The following WASHC5 variants were observed in gnomAD, a reference collection of about 807,000 sequenced individuals.
WASHC5 encodes the protein WASH complex subunit 5.
WASHC5 carries 101 observed loss-of-function variants against 150.4 expected under a neutral mutation model. The observed-to-expected ratio is 0.67, with a 90% CI of 0.57 to 0.79. The LOEUF (loss-of-function observed/expected upper bound fraction) is 0.79. Among genes scored for constraint, WASHC5 ranks in the 30% least tolerant of loss-of-function variants. WASHC5 has a pLI of 0.00. For synonymous variants in WASHC5, 467 were observed against 491.2 expected (o/e 0.95, Z 0.65); for missense variants, 1,195 against 1,396.3 (o/e 0.86, Z 2.30).
intron 21 of WASHC5, 33 bp from the exon 22 acceptor site, chr8:125,044,127 A>G (rs1563614174): frequency 1.4e-6 from 2 of 1,396,442 alleles, no homozygotes; most frequent in Non-Finnish European, 2.0e-6. Flanking sequence ...AAAGAACCAA[A>G]CATAATGAAT....
intron 25 of WASHC5, 134 bp downstream of exon 25, chr8:125,038,696 C>A: frequency 9.8e-7 from 1 of 1,020,782 alleles, no homozygotes; most frequent in South Asian, 1.3e-5. Context: ...TTAGAAAGGG[C>A]AGGGAACTGA....
At chr8:125,056,458 T>C (rs563569289) in intron 16 of WASHC5, among the ~76,000 whole-genome samples, 4 of 152,324 alleles carry the variant, frequency 2.6e-5, no homozygotes, top group Non-Finnish European at 5.9e-5. Context: ...CCCCTGAGAA[T>C]ACTGAGGCGA....
chr8:125,091,055 C>T (rs897783638), intron 1 of WASHC5, among the ~76,000 whole-genome samples: 6 of 152,016 alleles, frequency 3.9e-5, no homozygotes, highest in Non-Finnish European at 8.8e-5. Context: ...AGTTTTATGG[C>T]TCTGTGACTT....
intron 9 of WASHC5, among the ~76,000 whole-genome samples, chr8:125,071,507 G>A (rs569079841): frequency 6.6e-6 from 1 of 152,136 alleles, no homozygotes; most frequent in East Asian, 1.9e-4. Flanking sequence ...TTTCAAAATC[G>A]TATCACTTAT....
chr8:125,054,621 C>G (rs1036655763), intron 17 of WASHC5, among the ~76,000 whole-genome samples: 10 of 151,826 alleles, frequency 6.6e-5, no homozygotes, highest in Admixed American at 2.0e-4. Context: ...GTCACGAGGT[C>G]AGGAGATCAA....
intron 9 of WASHC5, among the ~76,000 whole-genome samples, chr8:125,072,818 G>A (rs555698164): frequency 3.1e-4 from 47 of 152,182 alleles, no homozygotes; most frequent in African/African-American, 1.1e-3. Flanking sequence ...CTGGGTGTGG[G>A]CTGGAAGGCA....
chr8:125,028,532 T>C (rs1187145617), intron 28 of WASHC5, 88 bp downstream of exon 28: 6 of 909,990 alleles, frequency 6.6e-6, no homozygotes, highest in Middle Eastern at 2.3e-4. Flanking sequence ...GAACGACCTA[T>C]TGGGCTTCAC....
intron 28 of WASHC5, 45 bp downstream of exon 28, chr8:125,028,575 T>C (rs1425186134): frequency 1.4e-6 from 2 of 1,391,418 alleles, no homozygotes; most frequent in South Asian, 1.2e-5. Flanking sequence ...ATTATTAGCA[T>C]CTTTTTACAA....
At chr8:125,072,176 A>T (rs1816914902) in intron 9 of WASHC5, among the ~76,000 whole-genome samples, 1 of 151,842 alleles carries the variant, frequency 6.6e-6, no homozygotes, top group African/African-American at 2.4e-5. Context: ...CACTGTCTCT[A>T]CAAAAAAATA....
intron 14 of WASHC5, among the ~76,000 whole-genome samples, chr8:125,057,899 GCA>G (rs1275445657): frequency 6.6e-6 from 1 of 152,026 alleles, no homozygotes; most frequent in Non-Finnish European, 1.5e-5. Flanking sequence ...TATTAGACAT[GCA>G]AATTACTGGG....
chr8:125,034,891 T>C (rs1052064828), intron 26 of WASHC5, among the ~76,000 whole-genome samples: 8 of 152,198 alleles, frequency 5.3e-5, no homozygotes, highest in African/African-American at 1.9e-4. Context: ...ACGAAGCTTC[T>C]TTCTTCAAAC....
chr8:125,067,530 A>C, intron 10 of WASHC5, 62 bp downstream of exon 10: 1 of 1,402,414 alleles, frequency 7.1e-7, no homozygotes, highest in East Asian at 2.4e-5. Flanking sequence ...TCTTTTTTTT[A>C]AAAAATATTT....
chr8:125,062,793 T>G (rs572061872), intron 11 of WASHC5, among the ~76,000 whole-genome samples: 1 of 152,100 alleles, frequency 6.6e-6, no homozygotes, highest in African/African-American at 2.4e-5. Context: ...CAGAAATAGA[T>G]CTGATAGTTA....
At chr8:125,077,710 A>G (rs183704602) in intron 6 of WASHC5, among the ~76,000 whole-genome samples, 7 of 152,352 alleles carry the variant, frequency 4.6e-5, no homozygotes, top group Non-Finnish European at 1.0e-4. Flanking sequence ...AAGCTCTCCA[A>G]GTCTTATTCT....
rs143921424 is a variant in WASHC5, at chr8:125,038,250, T to C, written c.3084+580A>G. Among the ~76,000 whole-genome samples, 278 of 152,344 alleles carry C rather than the reference T, an allele frequency of 1.8e-3. 1 individual carries two copies. Among genetic ancestry groups the C allele is most frequent in the African/African-American group, 6.1e-3 (254 of 41,578 alleles). On this transcript the variant is annotated intron_variant, in intron 25 of 28. Transcript: ENST00000318410. ...TAATATAGGGGCTGGCGTAATGCAC[T>C]ATAATCAAAGTTACTATAATCAAAG...
intron 25 of WASHC5, among the ~76,000 whole-genome samples, chr8:125,037,676 C>T (rs576413207): frequency 1.3e-5 from 2 of 151,066 alleles, no homozygotes; most frequent in Non-Finnish European, 2.9e-5. Context: ...TGAGGAAGAG[C>T]TGGAGGTGAA....
Position 125,082,898 on chromosome 8 carries a change from A to C in WASHC5, c.332+215T>G, listed in dbSNP as rs560268504. On this transcript the variant is annotated intron_variant, in intron 3 of 28. Transcript: ENST00000318410. The stretch of plus-strand genomic sequence containing the variant: ...GAAACTATATGACTTAGTTAAACTA[A>C]GTTTATTACAACACCTCATAAGAGC... The C allele has an allele frequency of 1.3e-4, 59 of 455,634 alleles. No homozygotes were observed. In the South Asian group the frequency reaches 1.9e-3, roughly 15 times the overall value. 28.2% of individuals were successfully genotyped at this position (455,634 alleles called of 1,614,324 possible).
intron 1 of WASHC5, among the ~76,000 whole-genome samples, chr8:125,088,933 T>A (rs150300131): frequency 6.6e-6 from 1 of 152,220 alleles, no homozygotes; most frequent in African/African-American, 2.4e-5. Flanking sequence ...GTGGCTAAAG[T>A]GGCTGGAGCA....
intron 10 of WASHC5, among the ~76,000 whole-genome samples, chr8:125,065,712 T>G (rs10086441): frequency 0.33 from 49,552 of 150,948 alleles, 9,631 homozygotes; most frequent in African/African-American, 0.53. Flanking sequence ...CTGCCTGTGT[T>G]TTCAAGTGAT....
Sources: allele counts gnomAD v4.1 joint callset (sites outside exome capture counted in the v4.1 genomes callset), GRCh38; gene constraint gnomAD v4.1.1; transcripts MANE v1.5; gene names NCBI Gene and HGNC (gene_info 2026-07-23, HGNC 2026-07-21).